The following NFIB variants were observed in gnomAD, a reference collection of about 807,000 sequenced individuals.
The protein encoded by NFIB is nuclear factor 1 B-type.
In NFIB, 11 loss-of-function variants were observed where a neutral mutation model predicts 61.5. The ratio of observed to expected loss-of-function variants is 0.18; its 90% CI spans 0.11 to 0.30. The LOEUF (loss-of-function observed/expected upper bound fraction) is 0.30, where lower values mean the gene tolerates loss of function less well. Among genes scored for constraint, NFIB ranks in the 10% least tolerant of loss-of-function variants. The probability of loss-of-function intolerance (pLI) is 1.00; values close to 1 mark genes in which losing one functional copy is unlikely to be tolerated. For synonymous variants in NFIB, 260 were observed against 216.5 expected (o/e 1.20, Z -1.76); for missense variants, 471 against 608.9 (o/e 0.77, Z 2.38).
chr9:14,169,625 A>T (rs2045338075), intron 3 of NFIB, among the ~76,000 whole-genome samples: 1 of 152,202 alleles, frequency 6.6e-6, no homozygotes, highest in African/African-American at 2.4e-5. Context: ...GTTCAAGACC[A>T]GCCTGGCCAA....
intron 2 of NFIB, among the ~76,000 whole-genome samples, chr9:14,263,025 A>G (rs761481599): frequency 2.6e-5 from 4 of 152,178 alleles, no homozygotes; most frequent in Non-Finnish European, 5.9e-5. Context: ...GGGTGCAGAC[A>G]TGATTTCTTT....
the NFIB span, among the ~76,000 whole-genome samples, chr9:14,491,080 G>A: frequency 8.5e-5 from 13 of 152,090 alleles, no homozygotes; most frequent in Non-Finnish European, 1.3e-4. Context: ...TAGTCCATGT[G>A]GTTTTAAATC....
At chr9:14,267,492 T>G (rs1309151754) in intron 2 of NFIB, among the ~76,000 whole-genome samples, 1 of 152,186 alleles carries the variant, frequency 6.6e-6, no homozygotes. Context: ...ACTAGGAAAC[T>G]GGGTTAATTC....
the NFIB span, among the ~76,000 whole-genome samples, chr9:14,524,968 A>G: frequency 6.6e-6 from 1 of 152,218 alleles, no homozygotes; most frequent in Non-Finnish European, 1.5e-5. Context: ...AGGTAAACAG[A>G]TATCATCAAA....
At chr9:14,137,731 A>C (rs1203033916) in intron 6 of NFIB, among the ~76,000 whole-genome samples, 1 of 152,142 alleles carries the variant, frequency 6.6e-6, no homozygotes, top group Non-Finnish European at 1.5e-5. Context: ...TATATACTTT[A>C]TTTTTATATT....
intron 1 of NFIB, among the ~76,000 whole-genome samples, chr9:14,384,431 T>G (rs1284495619): frequency 1.3e-5 from 2 of 152,204 alleles, no homozygotes; most frequent in Non-Finnish European, 2.9e-5. Context: ...GCCTCAGCAC[T>G]TTCGAACCTT....
Position 14,187,367 on chromosome 9 carries a change from T to C in NFIB, c.563-7587A>G, listed in dbSNP as rs184677609. 8.1e-4 allele frequency among the ~76,000 whole-genome samples: 124 copies of C among 152,298 alleles called. No homozygotes were observed. In the Middle Eastern group the frequency reaches 0.017, roughly 21 times the overall value. ...AATATAATATTTGGGAGATGCAGTT[T>C]CCTGCATATTTTAAACTATTTACTA... On this transcript the variant is annotated intron_variant, in intron 2 of 10. Transcript: ENST00000380953.
At position 14,128,992 on chromosome 9, in the gene NFIB, TGA is replaced by T. The variant is rs566387846; in HGVS notation, c.926-3228_926-3227del. ...GCCAAAATGACACACTTGCTTTTACTGAGTAATTATTATGGGTCCATTTATTT... is the reference window on the plus strand; with the variant it reads ...GCCAAAATGACACACTTGCTTTTACTGTAATTATTATGGGTCCATTTATTT... On this transcript the variant is annotated intron_variant, in intron 6 of 10. Transcript: ENST00000380953. Among the ~76,000 whole-genome samples, 23 of 152,304 alleles carry T rather than the reference TGA, an allele frequency of 1.5e-4. No individual in the cohort carries two copies. In the East Asian group the frequency reaches 4.4e-3, roughly 29 times the overall value.
chr9:14,120,766 AAC>A lies in NFIB; in HGVS notation c.1061-144_1061-143del. The A allele has an allele frequency of 1.3e-6, 1 of 786,212 alleles. No homozygotes were observed. Among genetic ancestry groups the A allele is most frequent in the Non-Finnish European group, 2.0e-6 (1 of 507,506 alleles). The allele number at this position is 786,212 out of a possible 1,614,324, so 48.7% of individuals were successfully genotyped here. ...TGATTTAACCAAGCTCTCCTAAATC[AAC>A]AGTTACTTTTTCATTTTTATTCTCA... On this transcript the variant is annotated intron_variant, in intron 7 of 10. Transcript: ENST00000380953. The surrounding 1 kb of genome is among the most constrained non-coding windows in gnomAD (Gnocchi z 4.4).
intron 2 of NFIB, among the ~76,000 whole-genome samples, chr9:14,292,454 A>G (rs1337184454): frequency 6.6e-6 from 1 of 152,208 alleles, no homozygotes; most frequent in Non-Finnish European, 1.5e-5. Context: ...ATGTATTAAA[A>G]CCCTAAATTT....
Position 14,082,080 on chromosome 9 carries a change from A to G in NFIB, c.*6229T>C. ...TTATCCTCCAACCGGGCACAATAAA[A>G]CCTTCACTAACATTCTGGCCCAGTC... On this transcript the variant is annotated 3_prime_UTR_variant, in exon 11 of 11. Coordinates refer to ENST00000380953, the MANE Select transcript of NFIB (RefSeq NM_001190737.2). 1 of 211,602 alleles carries G rather than the reference A, an allele frequency of 4.7e-6. No homozygotes were observed. The highest frequency in any genetic ancestry group is 9.6e-6 in the Non-Finnish European group (1 of 103,936). 13.1% of individuals were successfully genotyped at this position (211,602 alleles called of 1,614,324 possible). A position where few individuals can be genotyped will look rare whatever the true frequency, so the allele number is the denominator to read the frequency against.
chr9:14,470,452 C>A, the NFIB span, among the ~76,000 whole-genome samples: 3 of 152,186 alleles, frequency 2.0e-5, no homozygotes, highest in Admixed American at 2.0e-4. Context: ...TGGTTTGCCC[C>A]CCTGAAAAAG....
At chr9:14,438,513 A>C in the NFIB span, among the ~76,000 whole-genome samples, 1 of 152,174 alleles carries the variant, frequency 6.6e-6, no homozygotes, top group African/African-American at 2.4e-5. Context: ...CTTATTAATG[A>C]ATTCTATTTA....
chr9:14,516,353 G>T, the NFIB span, among the ~76,000 whole-genome samples: 1 of 152,122 alleles, frequency 6.6e-6, no homozygotes, highest in Admixed American at 6.6e-5. Context: ...CTTTATTTGG[G>T]AGTATTTCAG....
intron 2 of NFIB, among the ~76,000 whole-genome samples, chr9:14,226,269 T>C (rs2052402551): frequency 6.6e-6 from 1 of 152,086 alleles, no homozygotes; most frequent in African/African-American, 2.4e-5. Context: ...ACAATGAGGC[T>C]AGGCACAGTG....
At chr9:14,325,843 TA>T (rs1291907186) in intron 1 of NFIB, among the ~76,000 whole-genome samples, 18 of 152,120 alleles carry the variant, frequency 1.2e-4, no homozygotes, top group Non-Finnish European at 1.9e-4. Flanking sequence ...TTTTAGAATT[TA>T]AAAAATACAT....
intron 2 of NFIB, among the ~76,000 whole-genome samples, chr9:14,245,586 C>T (rs1464396028): frequency 6.6e-6 from 1 of 152,052 alleles, no homozygotes; most frequent in East Asian, 1.9e-4. Context: ...ATAATAAGTA[C>T]ACATGGCCGG....
the NFIB span, among the ~76,000 whole-genome samples, chr9:14,452,987 CTT>C: frequency 6.6e-6 from 1 of 152,184 alleles, no homozygotes; most frequent in Non-Finnish European, 1.5e-5. Flanking sequence ...TGTGATTTGT[CTT>C]TTTCCACTTT....
the NFIB span, among the ~76,000 whole-genome samples, chr9:14,519,235 G>A: frequency 3.9e-5 from 6 of 152,204 alleles, no homozygotes; most frequent in East Asian, 1.9e-4. Flanking sequence ...TGATGGTATC[G>A]GTGCTTGTAT....
Sources: gnomAD v4.1 joint callset for allele counts (sites outside exome capture counted in the v4.1 genomes callset) on GRCh38, gnomAD v4.1.1 for gene constraint, Gnocchi (gnomAD v3.1) non-coding constraint, MANE v1.5 for transcripts, NCBI Gene and HGNC (gene_info 2026-07-23, HGNC 2026-07-21) for gene names.